Variants in PRSS3 observed in about 807,000 individuals in gnomAD.
PRSS3 encodes trypsin-3.
In PRSS3, 14 loss-of-function variants were observed where a neutral mutation model predicts 20.8. The observed-to-expected ratio is 0.67, with a 90% CI of 0.44 to 1.05. PRSS3 has a LOEUF of 1.05. Ranked by LOEUF, PRSS3 falls within the 50% of genes least tolerant of loss-of-function variation. PRSS3 has a pLI of 0.00. For synonymous variants in PRSS3, 91 were observed against 117.6 expected (o/e 0.77, Z 1.46); for missense variants, 237 against 306.4 (o/e 0.77, Z 1.69).
intron 1 of PRSS3, among the ~76,000 whole-genome samples, chr9:33,774,640 T>C (rs1464691081): frequency 6.6e-6 from 1 of 152,118 alleles, no homozygotes; most frequent in Non-Finnish European, 1.5e-5. Flanking sequence ...GAAAGGGACC[T>C]GTGTTAAACA....
chr9:33,798,905 A>G, intron 4 of PRSS3, 123 bp from the exon 5 acceptor site: 1 of 1,325,300 alleles, frequency 7.5e-7, no homozygotes. Flanking sequence ...AGAATGGGCC[A>G]CCGTGGGAAG....
intron 1 of PRSS3, among the ~76,000 whole-genome samples, chr9:33,771,638 T>G (rs893564849): frequency 3.6e-5 from 3 of 82,412 alleles, no homozygotes; most frequent in Non-Finnish European, 5.2e-5. Context: ...TGTTTTTTTG[T>G]TTTTTTGTTT....
chr9:33,798,568 T>C lies in PRSS3; in HGVS notation c.537T>C (p.Ile179=), dbSNP rs1369883870. The C allele has an allele frequency of 6.2e-7, 1 of 1,613,992 alleles. No individual in the cohort carries two copies. Among genetic ancestry groups the C allele is most frequent in the East Asian group, 2.2e-5 (1 of 44,888 alleles). Residue 179 remains isoleucine (I), a synonymous_variant, in exon 4 of 5, where the codon ATT becomes ATC. Transcript: ENST00000379405. ...GTAAAGCCTCCTACCCTGGAAAGAT[T>C]ACCAACAGCATGTTCTGTGTGGGCT... is the stretch of plus-strand genomic sequence containing the variant. The part of the protein sequence containing the change: ...AECKASYPGK[I]TNSMFCVGFL...
chr9:33,787,104 G>A (rs967905041), intron 1 of PRSS3, among the ~76,000 whole-genome samples: 8 of 152,118 alleles, frequency 5.3e-5, no homozygotes, highest in Admixed American at 2.0e-4. Context: ...CTTCTAGAAG[G>A]GTGCTCAGAA....
chr9:33,798,475 G>A lies in PRSS3; in HGVS notation c.455-11G>A. On this transcript the variant is annotated splice_polypyrimidine_tract_variant and intron_variant, in intron 3 of 4. Transcript: ENST00000379405. Reference sequence around the variant, plus strand: ...TTTCTACTTTCTTTGATCTCTTCCTGATCCTCACAGCTGACTACCCAGACG... The same window carrying A: ...TTTCTACTTTCTTTGATCTCTTCCTAATCCTCACAGCTGACTACCCAGACG... 6.2e-7 allele frequency: 1 copy of A among 1,613,850 alleles called. No individual in the cohort carries two copies. The highest frequency in any genetic ancestry group is 8.5e-7 in the Non-Finnish European group (1 of 1,179,872).
At chr9:33,771,086 A>G (rs1305555038) in intron 1 of PRSS3, among the ~76,000 whole-genome samples, 2 of 152,214 alleles carry the variant, frequency 1.3e-5, no homozygotes, top group African/African-American at 4.8e-5. Context: ...CCAGAGTATC[A>G]GCAATGCCGA....
chr9:33,760,745 CAAAAAAA>C (rs61678518), intron 1 of PRSS3, among the ~76,000 whole-genome samples: 2 of 101,364 alleles, frequency 2.0e-5, no homozygotes, highest in Non-Finnish European at 3.8e-5. Flanking sequence ...GACTCTGTCA[CAAAAAAA>C]AAAAAAAAAA....
chr9:33,779,029 A>G (rs1252292152), intron 1 of PRSS3, among the ~76,000 whole-genome samples: 3 of 152,228 alleles, frequency 2.0e-5, no homozygotes, highest in African/African-American at 4.8e-5. Context: ...ATTCACCCAC[A>G]TATGCGGATT....
upstream of PRSS3, among the ~76,000 whole-genome samples, chr9:33,793,231 C>CA (rs1225757086): frequency 2.0e-5 from 3 of 152,264 alleles, 1 homozygote; most frequent in South Asian, 4.1e-4. Context: ...TCCCGTTCTC[C>CA]AAAAAAAGTT....
intron 1 of PRSS3, among the ~76,000 whole-genome samples, chr9:33,758,378 T>C (rs1823045489): frequency 1.3e-5 from 2 of 152,224 alleles, no homozygotes; most frequent in Non-Finnish European, 1.5e-5. Flanking sequence ...TTTATTTCTC[T>C]ATGGGAGGCT....
At chr9:33,761,975 G>A (rs1314146848) in intron 1 of PRSS3, 1 of 152,172 alleles carries the variant, frequency 6.6e-6, no homozygotes, top group African/African-American at 2.4e-5. Context: ...GCACCTGACT[G>A]TATACAGCTC....
intron 1 of PRSS3, among the ~76,000 whole-genome samples, chr9:33,781,346 TA>T (rs1280477780): frequency 2.0e-5 from 3 of 152,112 alleles, no homozygotes; most frequent in Non-Finnish European, 2.9e-5. Flanking sequence ...TACACAGCCC[TA>T]AAAAAAGAAT....
chr9:33,796,036 C>T (rs1824911085), intron 1 of PRSS3, among the ~76,000 whole-genome samples: 2 of 152,260 alleles, frequency 1.3e-5, no homozygotes, highest in African/African-American at 4.8e-5. Flanking sequence ...GGGGTGCAGC[C>T]TGTGTACTGG....
At chr9:33,777,663 G>C (rs950243158) in intron 1 of PRSS3, among the ~76,000 whole-genome samples, 14 of 149,128 alleles carry the variant, frequency 9.4e-5, no homozygotes, top group Admixed American at 2.0e-4. Flanking sequence ...AGCCGAGATC[G>C]CGCTACTGCA....
intron 1 of PRSS3, among the ~76,000 whole-genome samples, chr9:33,783,708 G>A (rs769582149): frequency 2.6e-5 from 4 of 152,154 alleles, no homozygotes; most frequent in Non-Finnish European, 5.9e-5. Context: ...TTTGGGCTGT[G>A]TGTTTCTGTG....
Position 33,750,927 on chromosome 9 carries a change from G to A in PRSS3, c.-53+200G>A, listed in dbSNP as rs905413666. The A allele has an allele frequency of 2.1e-5, 26 of 1,241,456 alleles. No individual in the cohort carries two copies. Among genetic ancestry groups the A allele is most frequent in the South Asian group, 5.2e-5 (2 of 38,662 alleles). 76.9% of individuals were successfully genotyped at this position (1,241,456 alleles called of 1,614,324 possible). On this transcript the variant is annotated intron_variant, in intron 1 of 5. Coordinates refer to the PRSS3 transcript ENST00000342836. This position sits in a 1 kb window ranked among gnomAD's most constrained non-coding sequence, Gnocchi z 4.8. ...ATGGAGGCTCCTCTAGGGGAGGACG[G>A]GAGGGGATGGAGGGCCCTGGTGTCG...
At chr9:33,781,927 T>C (rs570929005) in intron 1 of PRSS3, among the ~76,000 whole-genome samples, 8 of 152,278 alleles carry the variant, frequency 5.3e-5, no homozygotes, top group Non-Finnish European at 8.8e-5. Context: ...CCAGACTTGG[T>C]TCACAGCCAA....
upstream of PRSS3, chr9:33,793,815 A>G: frequency 1.6e-6 from 1 of 622,256 alleles, no homozygotes; most frequent in South Asian, 7.3e-5. Flanking sequence ...TTTGCTCTGC[A>G]CAAATCACAA....
Position 33,799,213 on chromosome 9 carries a change from T to C in PRSS3, c.*33T>C. 2 of 1,611,796 alleles carry C rather than the reference T, an allele frequency of 1.2e-6. No homozygotes were observed. The highest frequency in any genetic ancestry group is 1.7e-6 in the Non-Finnish European group (2 of 1,178,754). On this transcript the variant is annotated 3_prime_UTR_variant, in exon 5 of 5. Coordinates refer to ENST00000379405, the MANE Select transcript of PRSS3 (RefSeq NM_002771.4). ...GGTCCCTCTGCAGTCTCTATACCAA[T>C]AAAGTGGCCCTGCTCTCACTCTGTG...
Sources: allele counts gnomAD v4.1 joint callset (sites outside exome capture counted in the v4.1 genomes callset), GRCh38; gene constraint gnomAD v4.1.1; non-coding constraint Gnocchi (gnomAD v3.1); transcripts MANE v1.5; gene names NCBI Gene and HGNC (gene_info 2026-07-23, HGNC 2026-07-21).